EPHA6: variants seen among roughly 807,000 people sequenced by gnomAD.
EPHA6 encodes the protein ephrin type-A receptor 6.
In EPHA6, 50 loss-of-function variants were observed where a neutral mutation model predicts 112.0. That is an observed-to-expected ratio of 0.45 (90% CI 0.36 to 0.56). The LOEUF (loss-of-function observed/expected upper bound fraction) is 0.56. Ranked by LOEUF, EPHA6 falls within the 20% of genes least tolerant of loss-of-function variation. The pLI, the probability that EPHA6 is intolerant of heterozygous loss-of-function variation, is 0.00. For missense variants in EPHA6, 1,280 were observed against 1,417.4 expected (o/e 0.90, Z 1.56); for synonymous variants, 529 against 490.7 (o/e 1.08, Z -1.03).
chr3:97,722,999 G>A (rs1299729657), intron 15 of EPHA6, among the ~76,000 whole-genome samples: 2 of 151,944 alleles, frequency 1.3e-5, no homozygotes, highest in Non-Finnish European at 2.9e-5. Context: ...ACAAGAAAGG[G>A]GTGAGATGAT....
chr3:96,907,078 C>T (rs1277403185), intron 2 of EPHA6, among the ~76,000 whole-genome samples: 2 of 151,472 alleles, frequency 1.3e-5, no homozygotes, highest in Non-Finnish European at 2.9e-5. Flanking sequence ...TCCTGATGAA[C>T]TATTATGGAA....
chr3:97,042,790 A>C (rs181812519), intron 3 of EPHA6, among the ~76,000 whole-genome samples: 1 of 152,248 alleles, frequency 6.6e-6, no homozygotes, highest in African/African-American at 2.4e-5. Context: ...TATCAGAGCA[A>C]GAAGATCAGA....
At chr3:97,553,214 T>A (rs1426279686) in intron 11 of EPHA6, among the ~76,000 whole-genome samples, 15 of 152,048 alleles carry the variant, frequency 9.9e-5, no homozygotes, top group Non-Finnish European at 1.5e-5. Context: ...GATCTCCCCT[T>A]CACCCCTGCT....
At chr3:97,109,357 A>G (rs1473194808) in intron 3 of EPHA6, among the ~76,000 whole-genome samples, 6 of 152,160 alleles carry the variant, frequency 3.9e-5, no homozygotes, top group African/African-American at 1.4e-4. Context: ...TGCTGGATTC[A>G]TAAGTTAGTG....
In EPHA6 at chr3:97,642,226, G is replaced by T. The variant is rs1173082826; in HGVS notation, c.2784+4144G>T. On this transcript the variant is annotated intron_variant, in intron 14 of 17. Transcript: ENST00000389672. ...GTATTCCAACAGACCTGCAGCTGAG[G>T]GTACTGTCTGTTAGAAGGAAAACTA... is the stretch of plus-strand genomic sequence containing the variant. 2.1e-5 allele frequency among the ~76,000 whole-genome samples: 2 copies of T among 94,514 alleles called. 1 individual carries two copies. 62.0% of individuals were successfully genotyped at this position (94,514 alleles called of 152,430 possible). A position where few individuals can be genotyped will look rare whatever the true frequency, so the allele number is the denominator to read the frequency against.
chr3:97,320,334 AT>A (rs372415519), intron 5 of EPHA6, among the ~76,000 whole-genome samples: 2,275 of 149,734 alleles, frequency 0.015, 70 homozygotes, highest in African/African-American at 0.049. Flanking sequence ...TTATATGTTT[AT>A]TTTTTTTTTC....
At chr3:96,893,958 G>T (rs1032060287) in intron 2 of EPHA6, among the ~76,000 whole-genome samples, 2 of 152,212 alleles carry the variant, frequency 1.3e-5, no homozygotes, top group African/African-American at 4.8e-5. Flanking sequence ...TAAGCTGATT[G>T]TGGAGGAAAA....
chr3:97,020,413 A>T (rs192040382), intron 3 of EPHA6, among the ~76,000 whole-genome samples: 1,628 of 152,342 alleles, frequency 0.011, 24 homozygotes, highest in African/African-American at 0.037. Context: ...ACAAGTAAGA[A>T]AAATAATATT....
chr3:97,680,984 G>T (rs1366245651), intron 14 of EPHA6, among the ~76,000 whole-genome samples: 1 of 151,754 alleles, frequency 6.6e-6, no homozygotes, highest in Non-Finnish European at 1.5e-5. Context: ...TTAACATCAG[G>T]GTTAACAAAA....
rs2036117191 is a variant in EPHA6 at position 97,759,937 on chromosome 3, T to C, written c.*11236T>C. 1 of 195,676 alleles carries C rather than the reference T, an allele frequency of 5.1e-6. No homozygotes were observed. Among genetic ancestry groups the C allele is most frequent in the Non-Finnish European group, 1.1e-5 (1 of 94,072 alleles). The allele number at this position is 195,676 out of a possible 1,614,324, so 12.1% of individuals were successfully genotyped here. A position where few individuals can be genotyped will look rare whatever the true frequency, so the allele number is the denominator to read the frequency against. ...ACTCTGGTAAGAGTCCTTTCCATAA[T>C]GTAGAGATTGAGAACTTCTCAATGC... On this transcript the variant is annotated 3_prime_UTR_variant, in exon 18 of 18. Transcript: ENST00000389672.
intron 3 of EPHA6, among the ~76,000 whole-genome samples, chr3:97,093,496 G>A (rs758116899): frequency 6.6e-6 from 1 of 152,054 alleles, no homozygotes; most frequent in African/African-American, 2.4e-5. Context: ...TTTGCAGTGG[G>A]CTGAGATCGT....
chr3:97,282,952 CAA>C (rs1172168155), intron 5 of EPHA6, among the ~76,000 whole-genome samples: 1 of 152,052 alleles, frequency 6.6e-6, no homozygotes, highest in Non-Finnish European at 1.5e-5. Flanking sequence ...ACCTGTGTAA[CAA>C]ACCTCCATGT....
At chr3:97,221,080 C>T (rs1189427832) in intron 3 of EPHA6, among the ~76,000 whole-genome samples, 1 of 151,816 alleles carries the variant, frequency 6.6e-6, no homozygotes, top group Non-Finnish European at 1.5e-5. Context: ...CTTTGGGAGG[C>T]CAAGGCAGGC....
intron 11 of EPHA6, among the ~76,000 whole-genome samples, chr3:97,539,103 C>CCTTCCTTTCTTT (rs1227480052): frequency 1.2e-5 from 1 of 83,872 alleles, no homozygotes; most frequent in East Asian, 2.9e-4. Flanking sequence ...TTCCTTCCTT[C>CCTTCCTTTCTTT]CTTTCTTTCT....
At chr3:96,852,943 A>T (rs567818290) in intron 1 of EPHA6, among the ~76,000 whole-genome samples, 19 of 152,246 alleles carry the variant, frequency 1.2e-4, no homozygotes, top group South Asian at 6.2e-4. Context: ...CTAGGATATA[A>T]CTGTCCTTAT....
intron 3 of EPHA6, among the ~76,000 whole-genome samples, chr3:97,022,892 CA>C (rs2044510612): frequency 6.6e-6 from 1 of 152,188 alleles, no homozygotes; most frequent in Non-Finnish European, 1.5e-5. Flanking sequence ...TGAGTATTAG[CA>C]GGCCAGCTTG....
chr3:97,243,779 C>G (rs1032384097), intron 4 of EPHA6, among the ~76,000 whole-genome samples, 173 bp from the exon 5 acceptor site: 29 of 151,844 alleles, frequency 1.9e-4, no homozygotes, highest in African/African-American at 7.0e-4. Context: ...AAGACTCCTT[C>G]CCTACTAGAC....
chr3:97,431,780 A>G (rs12386332), intron 6 of EPHA6, among the ~76,000 whole-genome samples: 18,766 of 152,084 alleles, frequency 0.12, 3,718 homozygotes, highest in African/African-American at 0.41. Flanking sequence ...TATTTTAAAA[A>G]GATCAACAGA....
intron 5 of EPHA6, among the ~76,000 whole-genome samples, chr3:97,369,381 T>C (rs73851234): frequency 0.018 from 2,691 of 152,202 alleles, 78 homozygotes; most frequent in African/African-American, 0.056. Context: ...GCAGTGGACA[T>C]ATAGAAAAGT....
Sources: allele counts gnomAD v4.1 joint callset (sites outside exome capture counted in the v4.1 genomes callset), GRCh38; gene constraint gnomAD v4.1.1; transcripts MANE v1.5; gene names NCBI Gene and HGNC (gene_info 2026-07-23, HGNC 2026-07-21).